The following TRABD2B variants were observed in gnomAD, a reference collection of about 807,000 sequenced individuals.
TRABD2B encodes TraB domain containing 2B, also known as metalloprotease TIKI2.
In TRABD2B, 14 loss-of-function variants were observed where a neutral mutation model predicts 40.1. That is an observed-to-expected ratio of 0.35 (90% CI 0.23 to 0.55). The LOEUF is 0.55. Ranked by LOEUF, TRABD2B falls within the 20% of genes least tolerant of loss-of-function variation. TRABD2B has a pLI of 0.90. For missense variants in TRABD2B, 541 were observed against 648.6 expected, an observed-to-expected ratio of 0.83 and a Z score of 1.80; for synonymous variants, 263 against 277.0, an observed-to-expected ratio of 0.95 and a Z score of 0.50.
intron 2 of TRABD2B, among the ~76,000 whole-genome samples, chr1:47,903,473 GAGA>G (rs1268636370): frequency 1.3e-5 from 2 of 152,118 alleles, no homozygotes; most frequent in Non-Finnish European, 2.9e-5. Flanking sequence ...GCTCCTTGAG[GAGA>G]AGGAGCTTTG....
chr1:47,996,919 T>TG lies in TRABD2B; in HGVS notation c.-131dup, dbSNP rs1391523507. The stretch of plus-strand genomic sequence containing the variant: ...CAGCCGCAGGATGCTGGGCGCCCTC[T>TG]GGGGCGTGGCTGACTGTCCCTGTCG... On this transcript the variant is annotated 5_prime_UTR_variant, in exon 1 of 7. Transcript: ENST00000606738. The surrounding 1 kb of genome is among the most constrained non-coding windows in gnomAD (Gnocchi z 4.6). 2.7e-6 allele frequency: 3 copies of TG among 1,122,800 alleles called. No individual in the cohort carries two copies. In the East Asian group the frequency reaches 1.5e-4, roughly 55 times the overall value. The allele number at this position is 1,122,800 out of a possible 1,614,324, so 69.6% of individuals were successfully genotyped here.
chr1:47,945,717 T>A (rs1645251589), intron 2 of TRABD2B, among the ~76,000 whole-genome samples: 2 of 152,234 alleles, frequency 1.3e-5, no homozygotes, highest in Non-Finnish European at 2.9e-5. Context: ...GATTCATCAA[T>A]GTTGGGCCTG....
At chr1:47,909,427 A>G (rs908134729) in intron 2 of TRABD2B, among the ~76,000 whole-genome samples, 9 of 148,872 alleles carry the variant, frequency 6.0e-5, no homozygotes, top group African/African-American at 2.0e-4. Flanking sequence ...AGAGAAGGGG[A>G]GAGAGAGAGA....
At chr1:47,872,877 T>G (rs2124597146) in intron 2 of TRABD2B, among the ~76,000 whole-genome samples, 1 of 152,234 alleles carries the variant, frequency 6.6e-6, no homozygotes, top group East Asian at 1.9e-4. Flanking sequence ...CAATGATGTC[T>G]CCTATCTTTG....
chr1:47,790,619 C>T (rs1272499967), intron 4 of TRABD2B, among the ~76,000 whole-genome samples: 2 of 152,384 alleles, frequency 1.3e-5, no homozygotes, highest in Non-Finnish European at 2.9e-5. Flanking sequence ...ACAGCAAGGG[C>T]ACCACGTGCA....
intron 2 of TRABD2B, among the ~76,000 whole-genome samples, chr1:47,964,597 G>A (rs1280972339): frequency 1.3e-5 from 2 of 152,188 alleles, no homozygotes; most frequent in East Asian, 3.8e-4. Context: ...TTGAGCCATG[G>A]ATATTGATAT....
At chr1:47,952,706 T>G (rs1480380699) in intron 2 of TRABD2B, among the ~76,000 whole-genome samples, 1 of 152,200 alleles carries the variant, frequency 6.6e-6, no homozygotes, top group Non-Finnish European at 1.5e-5. Flanking sequence ...TAATACATTG[T>G]GCAGAGAGAA....
rs931921622 is a variant in TRABD2B at position 47,957,248 on chromosome 1, A to T, written c.666+36786T>A. On this transcript the variant is annotated intron_variant, in intron 2 of 6. Transcript: ENST00000606738. The stretch of plus-strand genomic sequence containing the variant: ...ACCAAAAGTAGATAAAATCACAAAG[A>T]TGGGGAGAAACCAGAGCAGAAAAGC... Among the ~76,000 whole-genome samples, 11 of 152,334 alleles carry T rather than the reference A, an allele frequency of 7.2e-5. No homozygotes were observed. The East Asian group carries it at 2.1e-3, about 29-fold the overall frequency.
At chr1:47,853,058 C>A (rs1396273941) in intron 2 of TRABD2B, among the ~76,000 whole-genome samples, 1 of 152,122 alleles carries the variant, frequency 6.6e-6, no homozygotes, top group Non-Finnish European at 1.5e-5. Flanking sequence ...TGGAAGCATG[C>A]CTAGCAGAGA....
intron 2 of TRABD2B, among the ~76,000 whole-genome samples, chr1:47,982,341 T>A (rs1645852457): frequency 6.6e-6 from 1 of 152,198 alleles, no homozygotes; most frequent in Admixed American, 6.5e-5. Flanking sequence ...ACTCTTACTG[T>A]GTGCCAGCCA....
Position 47,846,857 on chromosome 1 carries a change from T to TATACACACACACACACAC in TRABD2B, c.667-45239_667-45238insGTGTGTGTGTGTGTGTAT, listed in dbSNP as rs374941615. ...AGGCCAGGTTAAGTTAAAACATGCATACACACACACACACACACACACACA... is the reference window on the plus strand; with the variant it reads ...AGGCCAGGTTAAGTTAAAACATGCATATACACACACACACACACACACACACACACACACACACACACA... On this transcript the variant is annotated intron_variant, in intron 2 of 6. Transcript: ENST00000606738. 1.7e-4 allele frequency among the ~76,000 whole-genome samples: 18 copies of TATACACACACACACACAC among 106,362 alleles called. 1 individual carries two copies. Among genetic ancestry groups the TATACACACACACACACAC allele is most frequent in the East Asian group, 3.5e-4 (1 of 2,818 alleles). 69.8% of individuals were successfully genotyped at this position (106,362 alleles called of 152,430 possible). A position where few individuals can be genotyped will look rare whatever the true frequency, so the allele number is the denominator to read the frequency against.
At chr1:47,910,188 G>A (rs1029230486) in intron 2 of TRABD2B, among the ~76,000 whole-genome samples, 1 of 152,012 alleles carries the variant, frequency 6.6e-6, no homozygotes, top group Non-Finnish European at 1.5e-5. Flanking sequence ...GAGATTTGGT[G>A]GGGACAAGCA....
chr1:47,804,834 C>T (rs1436753445), intron 2 of TRABD2B, among the ~76,000 whole-genome samples: 1 of 152,140 alleles, frequency 6.6e-6, no homozygotes, highest in East Asian at 1.9e-4. Context: ...CATGTTCTTG[C>T]TGTTGTTTTC....
rs1467588475 is a variant in TRABD2B at position 47,972,591 on chromosome 1, C to G, written c.666+21443G>C. Among the ~76,000 whole-genome samples the G allele has an allele frequency of 2.0e-5, 3 of 152,278 alleles. No individual in the cohort carries two copies. In the East Asian group the frequency reaches 5.8e-4, roughly 29 times the overall value. On this transcript the variant is annotated intron_variant, in intron 2 of 6. Transcript: ENST00000606738. ...CAGTCTTGCAATCTGAAAGAAGACCCTTACCAGAACCCGAACATGCTGGCT... is the reference window on the plus strand; with the variant it reads ...CAGTCTTGCAATCTGAAAGAAGACCGTTACCAGAACCCGAACATGCTGGCT...
chr1:47,839,326 C>T (rs1557604864), intron 2 of TRABD2B, among the ~76,000 whole-genome samples: 1 of 152,168 alleles, frequency 6.6e-6, no homozygotes, highest in South Asian at 2.1e-4. Context: ...CACACCTCCA[C>T]TGCAAGTGCT....
At chr1:47,906,182 C>T (rs1396129976) in intron 2 of TRABD2B, among the ~76,000 whole-genome samples, 2 of 152,218 alleles carry the variant, frequency 1.3e-5, no homozygotes, top group Admixed American at 1.3e-4. Context: ...GAAAGAAAAA[C>T]ACTATTGGCT....
chr1:47,823,084 G>A (rs1032424118), intron 2 of TRABD2B, among the ~76,000 whole-genome samples: 27 of 152,352 alleles, frequency 1.8e-4, no homozygotes, highest in African/African-American at 5.5e-4. Context: ...AGATGGGGCC[G>A]GCCTGGCAGA....
intron 2 of TRABD2B, among the ~76,000 whole-genome samples, chr1:47,903,232 C>A (rs1285099772): frequency 6.6e-6 from 1 of 152,036 alleles, no homozygotes; most frequent in Non-Finnish European, 1.5e-5. Context: ...CGTCAAATTG[C>A]CTTGGGGCTT....
chr1:47,852,913 C>T (rs141640030), intron 2 of TRABD2B, among the ~76,000 whole-genome samples: 185 of 151,958 alleles, frequency 1.2e-3, no homozygotes, highest in African/African-American at 3.6e-3. Flanking sequence ...TGACTAATAC[C>T]TCTTTGAAGG....
Sources: allele counts gnomAD v4.1 joint callset (sites outside exome capture counted in the v4.1 genomes callset), GRCh38; gene constraint gnomAD v4.1.1; non-coding constraint Gnocchi (gnomAD v3.1); transcripts MANE v1.5; gene names NCBI Gene and HGNC (gene_info 2026-07-23, HGNC 2026-07-21).